The following MAD1L1 variants were observed in gnomAD, a reference collection of about 807,000 sequenced individuals.
The protein encoded by MAD1L1 is mitotic arrest deficient 1 like 1.
MAD1L1 carries 95 observed loss-of-function variants against 96.9 expected under a neutral mutation model. The ratio of observed to expected loss-of-function variants is 0.98; its 90% CI spans 0.83 to 1.16. The LOEUF is 1.16. Ranked by LOEUF, MAD1L1 falls within the 50% of genes most tolerant of loss-of-function variation. The pLI is 0.00. For missense variants in MAD1L1, 1,007 were observed against 954.4 expected, an observed-to-expected ratio of 1.06 and a Z score of -0.73; for synonymous variants, 473 against 396.6, an observed-to-expected ratio of 1.19 and a Z score of -2.29.
chr7:1,853,820 G>A (rs1262272955), intron 18 of MAD1L1, among the ~76,000 whole-genome samples: 1 of 152,146 alleles, frequency 6.6e-6, no homozygotes, highest in African/African-American at 2.4e-5. Flanking sequence ...TTCACTCCGA[G>A]CAGCCTGGGT....
chr7:2,051,432 T>C (rs1441448021), intron 12 of MAD1L1, among the ~76,000 whole-genome samples: 3 of 152,168 alleles, frequency 2.0e-5, no homozygotes, highest in Non-Finnish European at 4.4e-5. Context: ...GCTCCTGGGA[T>C]CTGGATGAAG....
chr7:2,006,560 G>T (rs1353289550), intron 13 of MAD1L1, among the ~76,000 whole-genome samples: 2 of 150,778 alleles, frequency 1.3e-5, no homozygotes, highest in African/African-American at 4.9e-5. Flanking sequence ...CAGGAGAGAC[G>T]GGACATCACT....
chr7:1,826,800 C>T (rs1782417532), intron 18 of MAD1L1, among the ~76,000 whole-genome samples: 1 of 152,178 alleles, frequency 6.6e-6, no homozygotes, highest in African/African-American at 2.4e-5. Context: ...ATTATTCCTG[C>T]CTAATTGTAC....
Position 2,138,857 on chromosome 7 carries a change from C to G in MAD1L1, c.1073+10295G>C, listed in dbSNP as rs181104546. Among the ~76,000 whole-genome samples the G allele has an allele frequency of 4.3e-3, 653 of 152,314 alleles. 9 individuals are homozygous for G. Among genetic ancestry groups the G allele is most frequent in the African/African-American group, 0.015 (619 of 41,552 alleles). On this transcript the variant is annotated intron_variant, in intron 11 of 18. Transcript: ENST00000265854. ...GACCCCACTCCTGCAAACAATGCCG[C>G]CATTCCCTGAGCACCTGCTTGATGT...
intron 14 of MAD1L1, among the ~76,000 whole-genome samples, chr7:1,996,577 A>G (rs994946549): frequency 6.6e-6 from 1 of 152,172 alleles, no homozygotes; most frequent in Non-Finnish European, 1.5e-5. Flanking sequence ...CCCGACTCAG[A>G]GTGGGCCTCG....
chr7:2,020,609 C>G (rs572280305), intron 12 of MAD1L1, among the ~76,000 whole-genome samples: 1 of 152,216 alleles, frequency 6.6e-6, no homozygotes, highest in African/African-American at 2.4e-5. Context: ...CCCTGGTACC[C>G]GGAGTCTAGG....
At chr7:2,155,010 G>A (rs966942755) in intron 10 of MAD1L1, among the ~76,000 whole-genome samples, 1 of 152,212 alleles carries the variant, frequency 6.6e-6, no homozygotes, top group African/African-American at 2.4e-5. Flanking sequence ...GCACGCGGAG[G>A]AGTCCACAGG....
chr7:2,038,276 C>T (rs1436963140), intron 12 of MAD1L1, among the ~76,000 whole-genome samples: 1 of 152,070 alleles, frequency 6.6e-6, no homozygotes, highest in African/African-American at 2.4e-5. Context: ...AAGGTGAAGC[C>T]GCAAGTGCTG....
chr7:2,056,513 A>G (rs1235755286), intron 12 of MAD1L1, among the ~76,000 whole-genome samples: 3 of 152,224 alleles, frequency 2.0e-5, no homozygotes, highest in Non-Finnish European at 1.5e-5. Flanking sequence ...AAGAAACCAC[A>G]GAATGGCTAT....
chr7:1,852,606 A>G (rs570551505), intron 18 of MAD1L1, among the ~76,000 whole-genome samples: 11 of 152,264 alleles, frequency 7.2e-5, no homozygotes, highest in African/African-American at 2.6e-4. Flanking sequence ...GGTATGAAGT[A>G]TAACAGCCCC....
In MAD1L1 at chr7:2,103,538, G is replaced by A. The variant is rs555595160; in HGVS notation, c.1074-34200C>T. 2.6e-5 allele frequency among the ~76,000 whole-genome samples: 4 copies of A among 152,270 alleles called. No individual in the cohort carries two copies. The South Asian group carries it at 6.2e-4, about 24-fold the overall frequency. On this transcript the variant is annotated intron_variant, in intron 11 of 18. Coordinates refer to ENST00000265854, the MANE Select transcript of MAD1L1 (RefSeq NM_001013836.2). The surrounding 1 kb of genome is among the most constrained non-coding windows in gnomAD (Gnocchi z 4.3). Reference sequence around the variant, plus strand: ...TCGACCACCGTGCTCTTTGTTGGGCGGGGCAACCGCAGATGGGCCAGCACT... The same window carrying A: ...TCGACCACCGTGCTCTTTGTTGGGCAGGGCAACCGCAGATGGGCCAGCACT...
chr7:2,222,827 C>G (rs1457124132), intron 4 of MAD1L1, 73 bp from the exon 5 acceptor site: 1 of 1,248,744 alleles, frequency 8.0e-7, no homozygotes, highest in East Asian at 2.5e-5. Context: ...CACCCCCACA[C>G]CTCTCTCAGA....
chr7:2,009,197 G>C (rs994065410), intron 13 of MAD1L1, among the ~76,000 whole-genome samples: 1 of 152,310 alleles, frequency 6.6e-6, no homozygotes, highest in Non-Finnish European at 1.5e-5. Flanking sequence ...GCTGCACAGA[G>C]GCCTCAGCCG....
chr7:2,004,552 A>C (rs1379188897), intron 13 of MAD1L1, among the ~76,000 whole-genome samples: 1 of 152,222 alleles, frequency 6.6e-6, no homozygotes, highest in Non-Finnish European at 1.5e-5. Flanking sequence ...GGCCCGGACC[A>C]ACCACGCTCT....
At chr7:2,028,494 T>C (rs1287162148) in intron 12 of MAD1L1, among the ~76,000 whole-genome samples, 1 of 151,564 alleles carries the variant, frequency 6.6e-6, no homozygotes, top group East Asian at 1.9e-4. Context: ...GATTAGAAGA[T>C]TCAATATTGT....
chr7:2,192,839 G>A (rs541771024), intron 10 of MAD1L1, among the ~76,000 whole-genome samples: 20 of 152,272 alleles, frequency 1.3e-4, no homozygotes, highest in African/African-American at 3.9e-4. Flanking sequence ...TCCATTTCAT[G>A]GGATAATCAG....
rs558754249 is a variant in MAD1L1 at position 2,020,382 on chromosome 7, C to A, written c.1219-5740G>T. Among the ~76,000 whole-genome samples, 10 of 152,356 alleles carry A rather than the reference C, an allele frequency of 6.6e-5. No homozygotes were observed. In the South Asian group the frequency reaches 1.9e-3, roughly 28 times the overall value. On this transcript the variant is annotated intron_variant, in intron 12 of 18. Transcript: ENST00000265854. Reference sequence around the variant, plus strand: ...GCGTGCACCCGGCCCCGGCACCATGCGGCCCCCACCCTTGCCTTCCTGCGG... The same window carrying A: ...GCGTGCACCCGGCCCCGGCACCATGAGGCCCCCACCCTTGCCTTCCTGCGG...
At chr7:2,216,771 T>C (rs745566) in intron 7 of MAD1L1, among the ~76,000 whole-genome samples, 41,062 of 152,014 alleles carry the variant, frequency 0.27, 6,977 homozygotes, top group East Asian at 0.52. Context: ...GAAAATACCA[T>C]CCATTAAAAA....
intron 10 of MAD1L1, among the ~76,000 whole-genome samples, chr7:2,157,402 G>GT (rs907633784): frequency 6.6e-6 from 1 of 152,136 alleles, no homozygotes; most frequent in South Asian, 2.1e-4. Flanking sequence ...CCTCACATGC[G>GT]TAAGAACCCG....
Sources: gnomAD v4.1 joint callset for allele counts (sites outside exome capture counted in the v4.1 genomes callset) on GRCh38, gnomAD v4.1.1 for gene constraint, Gnocchi (gnomAD v3.1) non-coding constraint, MANE v1.5 for transcripts, NCBI Gene and HGNC (gene_info 2026-07-23, HGNC 2026-07-21) for gene names.